Variants in DPP10 observed in about 807,000 individuals in gnomAD.
DPP10 encodes the protein dipeptidyl peptidase like 10.
DPP10 carries 33 observed loss-of-function variants against 120.9 expected under a neutral mutation model. The ratio of observed to expected loss-of-function variants is 0.27; its 90% CI spans 0.21 to 0.37. DPP10 has a LOEUF of 0.37. Among genes scored for constraint, DPP10 ranks in the 10% least tolerant of loss-of-function variants. The pLI is 1.00. For synonymous variants in DPP10, 337 were observed against 326.1 expected, an observed-to-expected ratio of 1.03 and a Z score of -0.36; for missense variants, 816 against 942.8, an observed-to-expected ratio of 0.87 and a Z score of 1.76.
intron 5 of DPP10, among the ~76,000 whole-genome samples, chr2:115,572,624 A>G (rs1403475290): frequency 6.6e-6 from 1 of 152,210 alleles, no homozygotes; most frequent in Non-Finnish European, 1.5e-5. Context: ...AGGACAGAAT[A>G]AAGGTCATCT....
intron 1 of DPP10, among the ~76,000 whole-genome samples, chr2:115,014,410 C>T (rs1425264521): frequency 6.6e-6 from 1 of 152,122 alleles, no homozygotes; most frequent in Non-Finnish European, 1.5e-5. Context: ...CTAAAACTGA[C>T]ACCCTAACAT....
intron 1 of DPP10, among the ~76,000 whole-genome samples, chr2:114,571,871 TGTA>T (rs1224890782): frequency 6.7e-6 from 1 of 148,530 alleles, no homozygotes. Flanking sequence ...GTGTATATAT[TGTA>T]TATATATAGT....
chr2:114,662,085 T>C (rs1372760668), intron 1 of DPP10, among the ~76,000 whole-genome samples: 2 of 151,560 alleles, frequency 1.3e-5, no homozygotes, highest in South Asian at 2.1e-4. Context: ...CCCTCTGCTC[T>C]GTTCCTAGCA....
chr2:115,618,694 C>T (rs1242354313), intron 5 of DPP10, among the ~76,000 whole-genome samples: 4 of 152,100 alleles, frequency 2.6e-5, no homozygotes, highest in Admixed American at 1.3e-4. Context: ...TCTAGATTTC[C>T]ATGTACAACT....
chr2:115,013,353 C>A (rs1204141133), intron 1 of DPP10, among the ~76,000 whole-genome samples: 2 of 152,104 alleles, frequency 1.3e-5, no homozygotes, highest in Admixed American at 6.5e-5. Flanking sequence ...AGGGTTTCTG[C>A]AGAGATATCC....
intron 3 of DPP10, among the ~76,000 whole-genome samples, chr2:115,465,555 G>C (rs13395934): frequency 0.016 from 2,416 of 152,288 alleles, 73 homozygotes; most frequent in African/African-American, 0.055. Context: ...AGGCATGGTG[G>C]CTCACGCCTG....
At chr2:115,655,298 A>G (rs939750867) in intron 5 of DPP10, among the ~76,000 whole-genome samples, 1 of 151,558 alleles carries the variant, frequency 6.6e-6, no homozygotes, top group Non-Finnish European at 1.5e-5. Flanking sequence ...AAGTTTGGGG[A>G]AAAAAAATCA....
chr2:115,370,320 A>C (rs2065325700), intron 3 of DPP10, among the ~76,000 whole-genome samples: 1 of 152,088 alleles, frequency 6.6e-6, no homozygotes, highest in South Asian at 2.1e-4. Context: ...GATTTTAGAA[A>C]ATGTCAGGGA....
intron 1 of DPP10, among the ~76,000 whole-genome samples, chr2:114,491,964 A>C (rs1682043907): frequency 6.6e-6 from 1 of 152,182 alleles, no homozygotes; most frequent in African/African-American, 2.4e-5. Flanking sequence ...CTAATGAATG[A>C]ATATAAGCTC....
intron 1 of DPP10, among the ~76,000 whole-genome samples, chr2:115,259,290 T>A (rs1258132980): frequency 1.3e-5 from 2 of 152,118 alleles, no homozygotes; most frequent in African/African-American, 4.8e-5. Flanking sequence ...GAGACCACCC[T>A]GACCAACATG....
chr2:115,834,980 G>A (rs1264884703), intron 21 of DPP10, among the ~76,000 whole-genome samples: 11 of 151,924 alleles, frequency 7.2e-5, no homozygotes, highest in African/African-American at 2.7e-4. Context: ...CAGCTGCTCG[G>A]GAGGCTGAGG....
chr2:114,873,759 C>T (rs561251513), intron 1 of DPP10, among the ~76,000 whole-genome samples: 12 of 152,118 alleles, frequency 7.9e-5, no homozygotes, highest in African/African-American at 2.4e-4. Context: ...CCTTAACTCA[C>T]GTCTGTTCAT....
chr2:115,531,705 A>G (rs988374608), intron 5 of DPP10, among the ~76,000 whole-genome samples: 2 of 152,136 alleles, frequency 1.3e-5, no homozygotes, highest in African/African-American at 4.8e-5. Context: ...GCTTGCATAT[A>G]CTATGAAGAT....
intron 1 of DPP10, among the ~76,000 whole-genome samples, chr2:114,479,799 C>T (rs917457506): frequency 6.6e-6 from 1 of 152,162 alleles, no homozygotes; most frequent in South Asian, 2.1e-4. Context: ...AGGACATAGG[C>T]ATGGGCAAGG....
At chr2:114,981,472 A>T (rs1700087852) in intron 1 of DPP10, among the ~76,000 whole-genome samples, 1 of 152,218 alleles carries the variant, frequency 6.6e-6, no homozygotes, top group East Asian at 1.9e-4. Flanking sequence ...TGCATGTATA[A>T]ATGTATGAGC....
intron 1 of DPP10, among the ~76,000 whole-genome samples, chr2:114,531,234 C>T (rs950894892): frequency 9.2e-5 from 14 of 152,200 alleles, no homozygotes; most frequent in African/African-American, 3.4e-4. Context: ...ATACTTGGGA[C>T]AGGACAACCA....
At chr2:114,506,266 A>G (rs1292554926) in intron 1 of DPP10, among the ~76,000 whole-genome samples, 2 of 152,256 alleles carry the variant, frequency 1.3e-5, no homozygotes, top group Non-Finnish European at 2.9e-5. Flanking sequence ...TAGATGTCAG[A>G]GAGAAGTGAC....
intron 1 of DPP10, among the ~76,000 whole-genome samples, chr2:115,213,371 C>G (rs1292018206): frequency 6.6e-6 from 1 of 152,018 alleles, no homozygotes; most frequent in Admixed American, 6.6e-5. Flanking sequence ...AAGAAATTCC[C>G]CATATTTTTG....
intron 1 of DPP10, among the ~76,000 whole-genome samples, chr2:115,288,708 C>A (rs1261884685): frequency 6.6e-6 from 1 of 151,774 alleles, no homozygotes; most frequent in Non-Finnish European, 1.5e-5. Context: ...AGTGACAAAG[C>A]AAGACTGCCT....
Sources: allele counts gnomAD v4.1 joint callset (sites outside exome capture counted in the v4.1 genomes callset), GRCh38; gene constraint gnomAD v4.1.1; transcripts MANE v1.5; gene names NCBI Gene and HGNC (gene_info 2026-07-23, HGNC 2026-07-21).